MTUS2: variants seen among roughly 807,000 people sequenced by gnomAD.
The protein encoded by MTUS2 is microtubule-associated tumor suppressor candidate 2.
In MTUS2, 40 loss-of-function variants were observed where a neutral mutation model predicts 114.1. The observed-to-expected ratio is 0.35, with a 90% confidence interval of 0.27 to 0.46. MTUS2 has a LOEUF of 0.46. MTUS2 is among the 20% of genes least tolerant of loss of function. The pLI is 1.00. For missense variants in MTUS2, 1,679 were observed against 1,705.4 expected (o/e 0.98, Z 0.27); for synonymous variants, 688 against 672.0 (o/e 1.02, Z -0.37).
chr13:29,117,134 C>G (rs1891122453), intron 5 of MTUS2, among the ~76,000 whole-genome samples: 1 of 152,144 alleles, frequency 6.6e-6, no homozygotes. Context: ...TTGGTTCTCT[C>G]TTTGTGTGCT....
chr13:29,177,873 A>G (rs781727071), intron 5 of MTUS2, among the ~76,000 whole-genome samples: 2 of 152,102 alleles, frequency 1.3e-5, no homozygotes, highest in African/African-American at 2.4e-5. Context: ...AGTCAAGGAA[A>G]CCCACCACTG....
chr13:28,887,284 G>A (rs936461576), intron 2 of MTUS2, among the ~76,000 whole-genome samples: 1 of 152,032 alleles, frequency 6.6e-6, no homozygotes, highest in African/African-American at 2.4e-5. Flanking sequence ...GGGCAGCTTT[G>A]ACATGGCTGA....
intron 6 of MTUS2, among the ~76,000 whole-genome samples, chr13:29,298,071 T>A (rs1297693048): frequency 6.6e-6 from 1 of 152,260 alleles, no homozygotes; most frequent in Non-Finnish European, 1.5e-5. Context: ...ATAGTGGGGC[T>A]GTACCTGTTG....
intron 9 of MTUS2, among the ~76,000 whole-genome samples, chr13:29,472,788 C>G (rs903501080): frequency 6.6e-6 from 1 of 151,974 alleles, no homozygotes; most frequent in African/African-American, 2.4e-5. Flanking sequence ...TTGTGTTACA[C>G]GAACATGAGA....
At chr13:29,051,134 G>C (rs112609696) in intron 4 of MTUS2, among the ~76,000 whole-genome samples, 208 of 152,194 alleles carry the variant, frequency 1.4e-3, no homozygotes, top group African/African-American at 4.9e-3. Context: ...GTTGTGAGCT[G>C]TTAGAGTTTA....
chr13:29,405,039 G>C (rs1217676077), intron 8 of MTUS2, among the ~76,000 whole-genome samples: 1 of 152,174 alleles, frequency 6.6e-6, no homozygotes, highest in Non-Finnish European at 1.5e-5. Flanking sequence ...TGCCTTTCCT[G>C]TATTGATTGT....
chr13:29,139,816 T>C (rs909466070), intron 5 of MTUS2, among the ~76,000 whole-genome samples: 4 of 152,248 alleles, frequency 2.6e-5, no homozygotes, highest in South Asian at 2.1e-4. Flanking sequence ...CTTAGACTTA[T>C]GGTTGGTGAA....
At chr13:28,848,769 C>A (rs147149926) in intron 2 of MTUS2, among the ~76,000 whole-genome samples, 1 of 152,120 alleles carries the variant, frequency 6.6e-6, no homozygotes, top group Non-Finnish European at 1.5e-5. Context: ...TCGATGTCAA[C>A]CTACAAGGAT....
At chr13:29,335,229 A>ATTT (rs1438695588) in intron 7 of MTUS2, among the ~76,000 whole-genome samples, 7 of 152,078 alleles carry the variant, frequency 4.6e-5, no homozygotes, top group African/African-American at 1.4e-4. Context: ...AGATGACCAT[A>ATTT]TCTTTTACGG....
chr13:29,019,841 G>A (rs185782438), intron 2 of MTUS2, among the ~76,000 whole-genome samples: 13 of 152,358 alleles, frequency 8.5e-5, no homozygotes, highest in African/African-American at 2.6e-4. Flanking sequence ...GGTGCTACAC[G>A]GTGTACTTAG....
intron 8 of MTUS2, among the ~76,000 whole-genome samples, chr13:29,366,608 A>G (rs561921515): frequency 2.2e-4 from 33 of 152,324 alleles, no homozygotes; most frequent in African/African-American, 6.5e-4. Flanking sequence ...CACTCTAAGC[A>G]TACCTGGTAT....
intron 2 of MTUS2, among the ~76,000 whole-genome samples, chr13:28,937,240 G>T (rs919845747): frequency 2.6e-5 from 4 of 151,926 alleles, no homozygotes; most frequent in Non-Finnish European, 5.9e-5. Flanking sequence ...ACACACTGTA[G>T]GTAGCTAGAG....
At chr13:29,358,187 G>T (rs1330407105) in intron 7 of MTUS2, among the ~76,000 whole-genome samples, 2 of 152,134 alleles carry the variant, frequency 1.3e-5, no homozygotes, top group African/African-American at 4.8e-5. Flanking sequence ...TCAATAGCAG[G>T]GGTTCTCCGA....
intron 5 of MTUS2, among the ~76,000 whole-genome samples, chr13:29,155,363 G>T (rs1892817139): frequency 6.6e-6 from 1 of 152,166 alleles, no homozygotes; most frequent in Non-Finnish European, 1.5e-5. Context: ...TGTATAATTT[G>T]CTGTACCCTT....
chr13:29,044,134 T>C (rs749844695), intron 4 of MTUS2, among the ~76,000 whole-genome samples: 21 of 152,286 alleles, frequency 1.4e-4, no homozygotes, highest in Non-Finnish European at 2.9e-4. Flanking sequence ...TTAACATTTA[T>C]TGTAGTGGAG....
At chr13:29,334,772 G>A (rs376621853) in intron 7 of MTUS2, among the ~76,000 whole-genome samples, 73 of 152,248 alleles carry the variant, frequency 4.8e-4, no homozygotes, top group African/African-American at 1.5e-3. Context: ...CAGGGACCCC[G>A]AACGGAGGGA....
chr13:29,148,724 C>T lies in MTUS2; in HGVS notation c.2644+47754C>T, dbSNP rs553683933. Among the ~76,000 whole-genome samples, 50 of 124,332 alleles carry T rather than the reference C, an allele frequency of 4.0e-4. 10 individuals carry two copies. Among genetic ancestry groups the T allele is most frequent in the Admixed American group, 1.0e-3 (12 of 11,640 alleles). 81.6% of individuals were successfully genotyped at this position (124,332 alleles called of 152,430 possible). A position where few individuals can be genotyped will look rare whatever the true frequency, so the allele number is the denominator to read the frequency against. On this transcript the variant is annotated intron_variant, in intron 5 of 15. Transcript: ENST00000612955. Reference sequence around the variant, plus strand: ...CGATCTCCTGACCTCGTGATCCGCCCGCCTCGGCCTCCCAAAGTGCTGGGA... The same window carrying T: ...CGATCTCCTGACCTCGTGATCCGCCTGCCTCGGCCTCCCAAAGTGCTGGGA...
At chr13:29,007,692 A>G (rs1566287508) in intron 2 of MTUS2, among the ~76,000 whole-genome samples, 1 of 152,234 alleles carries the variant, frequency 6.6e-6, no homozygotes, top group South Asian at 2.1e-4. Context: ...ATCCACTTCC[A>G]TTTAATGAAT....
intron 8 of MTUS2, among the ~76,000 whole-genome samples, chr13:29,403,316 C>G (rs1874493696): frequency 6.6e-6 from 1 of 152,158 alleles, no homozygotes; most frequent in Non-Finnish European, 1.5e-5. Context: ...AATCTTGTGT[C>G]CCTTCCCTCT....
Sources: gnomAD v4.1 joint callset for allele counts (sites outside exome capture counted in the v4.1 genomes callset) on GRCh38, gnomAD v4.1.1 for gene constraint, MANE v1.5 for transcripts, NCBI Gene and HGNC (gene_info 2026-07-23, HGNC 2026-07-21) for gene names.